Variants in ARHGEF28 observed in about 807,000 individuals in gnomAD.
The protein encoded by ARHGEF28 is 190 kDa guanine nucleotide exchange factor.
Under a neutral mutation model 206.6 loss-of-function variants are expected in ARHGEF28, and 152 were observed. The observed-to-expected ratio is 0.74, with a 90% CI of 0.64 to 0.84. The LOEUF is 0.84. ARHGEF28 is among the 40% of genes least tolerant of loss of function. The pLI is 0.00. For missense variants in ARHGEF28, 2,028 were observed against 2,073.2 expected, an observed-to-expected ratio of 0.98 and a Z score of 0.42; for synonymous variants, 763 against 776.4, an observed-to-expected ratio of 0.98 and a Z score of 0.29.
chr5:73,677,114 C>T (rs1164979188), intron 1 of ARHGEF28, among the ~76,000 whole-genome samples: 3 of 152,086 alleles, frequency 2.0e-5, no homozygotes, highest in African/African-American at 7.2e-5. Flanking sequence ...AGAATAGATG[C>T]CAGCATTGAG....
chr5:73,813,120 A>G (rs1026651530), intron 9 of ARHGEF28, among the ~76,000 whole-genome samples: 5 of 152,108 alleles, frequency 3.3e-5, no homozygotes, highest in African/African-American at 1.2e-4. Flanking sequence ...CTAACACGGC[A>G]CCGGGTAGCT....
intron 2 of ARHGEF28, among the ~76,000 whole-genome samples, chr5:73,739,755 G>T (rs1247675200): frequency 6.6e-6 from 1 of 151,108 alleles, no homozygotes; most frequent in Non-Finnish European, 1.5e-5. Context: ...TGATTGTGGT[G>T]AGCTGAGATC....
At chr5:73,856,831 A>T (rs1261027686) in intron 14 of ARHGEF28, among the ~76,000 whole-genome samples, 1 of 152,146 alleles carries the variant, frequency 6.6e-6, no homozygotes. Context: ...CATCTACAGA[A>T]GTGTTACCTG....
At chr5:73,682,859 T>G (rs1747197400) in intron 1 of ARHGEF28, among the ~76,000 whole-genome samples, 1 of 152,174 alleles carries the variant, frequency 6.6e-6, no homozygotes, top group African/African-American at 2.4e-5. Context: ...AGAGCCAGGC[T>G]TGGCCTAAGG....
chr5:73,924,092 C>T (rs2111986049), intron 35 of ARHGEF28, among the ~76,000 whole-genome samples: 1 of 152,278 alleles, frequency 6.6e-6, no homozygotes, highest in African/African-American at 2.4e-5. Context: ...AATCCAACCC[C>T]CATTGCCTGC....
Position 73,904,372 on chromosome 5 carries a change from A to G in ARHGEF28, c.4128A>G (p.Ile1376Met), listed in dbSNP as rs1365254295. 1.2e-6 allele frequency: 2 copies of G among 1,612,986 alleles called. No individual in the cohort carries two copies. The highest frequency in any genetic ancestry group is 8.5e-7 in the Non-Finnish European group (1 of 1,179,560). The stretch of plus-strand genomic sequence containing the variant: ...TTGTTTTTCAGATTATACAAGCCAT[A>G]CAGAATTTAACCCGTCTCTTATACA... Reference protein sequence around the residue: ...GSSQSEIIQAIQNLTRLLYSL... With the variant: ...GSSQSEIIQAMQNLTRLLYSL... The change falls in exon 33 of 36, where the codon ATA (isoleucine) becomes ATG (methionine). Residue 1376 changes from isoleucine to methionine, a missense_variant. Coordinates refer to ENST00000513042, the MANE Select transcript of ARHGEF28 (RefSeq NM_001177693.2).
At chr5:73,887,874 G>A (rs372986918) in intron 26 of ARHGEF28, among the ~76,000 whole-genome samples, 195 bp downstream of exon 26, 226 of 152,234 alleles carry the variant, frequency 1.5e-3, no homozygotes, top group African/African-American at 5.1e-3. Context: ...TAAGTGTTGC[G>A]TCATCACAAC....
At chr5:73,834,448 T>G (rs1262235676) in intron 10 of ARHGEF28, among the ~76,000 whole-genome samples, 1 of 152,162 alleles carries the variant, frequency 6.6e-6, no homozygotes, top group East Asian at 1.9e-4. Flanking sequence ...TTTTCTGTGT[T>G]TGGCTTATTT....
chr5:73,807,594 C>T (rs894021993), intron 9 of ARHGEF28, among the ~76,000 whole-genome samples: 4 of 151,662 alleles, frequency 2.6e-5, no homozygotes, highest in Non-Finnish European at 5.9e-5. Flanking sequence ...AAGTGATTCT[C>T]CTGCCTCAGC....
At chr5:73,869,757 A>C (rs1341733974) in intron 20 of ARHGEF28, among the ~76,000 whole-genome samples, 1 of 152,036 alleles carries the variant, frequency 6.6e-6, no homozygotes, top group Non-Finnish European at 1.5e-5. Flanking sequence ...AAATATAAAA[A>C]CTAAGCTAGG....
intron 9 of ARHGEF28, 164 bp downstream of exon 9, chr5:73,795,555 A>G (rs1351060706): frequency 1.6e-6 from 1 of 619,918 alleles, no homozygotes; most frequent in South Asian, 2.1e-5. Context: ...CATTTGTAAT[A>G]CTATGACTCT....
chr5:73,817,368 A>G (rs1215506089), intron 9 of ARHGEF28, among the ~76,000 whole-genome samples: 3 of 152,244 alleles, frequency 2.0e-5, no homozygotes, highest in African/African-American at 7.2e-5. Context: ...AAAATAACTA[A>G]TATTTATATG....
Position 73,898,076 on chromosome 5 carries a change from C to T in ARHGEF28, c.3956C>T (p.Pro1319Leu), listed in dbSNP as rs1248436378. 6.2e-7 allele frequency: 1 copy of T among 1,612,024 alleles called. No individual in the cohort carries two copies. The highest frequency in any genetic ancestry group is 1.7e-5 in the Admixed American group (1 of 59,870). ...LADTLSSHDVPGSPTASLVTG... is the reference protein window; with the variant it reads ...LADTLSSHDVLGSPTASLVTG... ...GACACACTCAGTTCTCATGATGTAC[C>T]AGGATCACCGACTGCCTGTAAGTGA... is the stretch of plus-strand genomic sequence containing the variant. Residue 1319 changes from proline to leucine, a missense_variant, in exon 30 of 36, where the codon CCA becomes CTA. Transcript: ENST00000513042.
rs1759601002 is a variant in ARHGEF28 at position 73,864,734 on chromosome 5, C to T, written c.2048-83C>T. The T allele has an allele frequency of 3.5e-6, 4 of 1,155,508 alleles. No individual in the cohort carries two copies. In the South Asian group the frequency reaches 6.1e-5, roughly 17 times the overall value. The allele number at this position is 1,155,508 out of a possible 1,614,324, so 71.6% of individuals were successfully genotyped here. ...ATGTTTATGTGTTTTTTTATAATGA[C>T]CAGTGAAAGCATGATGTAGTCTTAT... On this transcript the variant is annotated intron_variant, in intron 16 of 35. Coordinates refer to ENST00000513042, the MANE Select transcript of ARHGEF28 (RefSeq NM_001177693.2).
At chr5:73,939,944 C>T (rs1742495243) in intron 35 of ARHGEF28, among the ~76,000 whole-genome samples, 1 of 151,836 alleles carries the variant, frequency 6.6e-6, no homozygotes, top group Non-Finnish European at 1.5e-5. Flanking sequence ...GTGGCCTCTT[C>T]TTAATGACTG....
chr5:73,891,118 T>A (rs1761599050), intron 26 of ARHGEF28, among the ~76,000 whole-genome samples: 1 of 152,172 alleles, frequency 6.6e-6, no homozygotes, highest in African/African-American at 2.4e-5. Context: ...ATGTGCTAGG[T>A]GCATGAAGAT....
intron 35 of ARHGEF28, chr5:73,923,129 C>CG: frequency 6.5e-7 from 1 of 1,535,472 alleles, no homozygotes; most frequent in African/African-American, 1.4e-5. Context: ...ACATCTCCCC[C>CG]GGGACTGTGG....
intron 9 of ARHGEF28, among the ~76,000 whole-genome samples, chr5:73,812,998 G>T (rs1045783191): frequency 6.6e-6 from 1 of 152,140 alleles, no homozygotes; most frequent in Non-Finnish European, 1.5e-5. Context: ...AGCTGCCAAT[G>T]GTATGAAAGA....
chr5:73,909,747 G>C lies in ARHGEF28; in HGVS notation c.4497G>C (p.Glu1499Asp). The change falls in exon 34 of 36, where the codon GAG becomes GAC. Residue 1499 changes from glutamate to aspartate, a missense_variant. Around this residue, in one of 3 missense-constraint regions of ARHGEF28, gnomAD observed 803 missense variants for 768.0 expected, o/e 1.05. Transcript: ENST00000513042. Reference protein sequence around the residue: ...SRGELDLQLQEYQHSLERLRE... With the variant: ...SRGELDLQLQDYQHSLERLRE... ...GCGAGCTGGACCTCCAGCTCCAGGA[G>C]TACCAGCACAGCCTGGAGCGGCTGA... is the stretch of plus-strand genomic sequence containing the variant. 6.6e-7 allele frequency: 1 copy of C among 1,515,556 alleles called. No individual in the cohort carries two copies. The highest frequency in any genetic ancestry group is 8.8e-7 in the Non-Finnish European group (1 of 1,131,942). The allele number at this position is 1,515,556 out of a possible 1,614,324, so 93.9% of individuals were successfully genotyped here. A position where few individuals can be genotyped will look rare whatever the true frequency, so the allele number is the denominator to read the frequency against.
Sources: gnomAD v4.1 joint callset for allele counts (sites outside exome capture counted in the v4.1 genomes callset) on GRCh38, gnomAD v4.1.1 for gene constraint, gnomAD v4.1.1 regional missense constraint, MANE v1.5 for transcripts, NCBI Gene and HGNC (gene_info 2026-07-23, HGNC 2026-07-21) for gene names.